The following GGT1 variants were observed in gnomAD, a reference collection of about 807,000 sequenced individuals.
The protein encoded by GGT1 is gamma-glutamyltransferase 1.
In GGT1, 21 loss-of-function variants were observed where a neutral mutation model predicts 56.0. The ratio of observed to expected loss-of-function variants is 0.38; its 90% CI spans 0.27 to 0.54. The LOEUF is 0.54. Ranked by LOEUF, GGT1 falls within the 20% of genes least tolerant of loss-of-function variation. The pLI is 0.82. For missense variants in GGT1, 466 were observed against 787.0 expected, an observed-to-expected ratio of 0.59 and a Z score of 4.88; for synonymous variants, 238 against 342.6, an observed-to-expected ratio of 0.69 and a Z score of 3.37.
chr22:24,594,384 CGTGTGTATGTGTGTGTGT>C (rs1020846477), upstream of GGT1, among the ~76,000 whole-genome samples: 7 of 140,194 alleles, frequency 5.0e-5, no homozygotes, highest in African/African-American at 1.7e-4. Context: ...GCCAAGCACC[CGTGTGTATGTGTGTGTGT>C]GTGTGTGTGT....
chr22:24,613,734 A>G (rs1248250478), intron 5 of GGT1, among the ~76,000 whole-genome samples: 1 of 147,380 alleles, frequency 6.8e-6, no homozygotes, highest in Non-Finnish European at 1.5e-5. Flanking sequence ...TGGGCAACTG[A>G]GTGAAACTCC....
the GGT1 span, among the ~76,000 whole-genome samples, chr22:24,584,856 C>T: frequency 6.6e-6 from 1 of 152,004 alleles, no homozygotes; most frequent in Non-Finnish European, 1.5e-5. Context: ...TGTAACTCCC[C>T]ACACAGGGCT....
chr22:24,614,348 C>CAAAAAAAAA (rs534749815), intron 5 of GGT1, among the ~76,000 whole-genome samples: 5 of 10,748 alleles, frequency 4.7e-4, no homozygotes, highest in African/African-American at 1.2e-3. Context: ...GACTTTGTCT[C>CAAAAAAAAA]AAAAAAAAAA....
upstream of GGT1, among the ~76,000 whole-genome samples, chr22:24,601,572 C>A (rs1488009658): frequency 6.6e-6 from 1 of 152,244 alleles, no homozygotes; most frequent in Non-Finnish European, 1.5e-5. Flanking sequence ...TGGGGCAGAT[C>A]CCAGCCCGTT....
At chr22:24,618,004 T>A (rs1321511363) in intron 7 of GGT1, among the ~76,000 whole-genome samples, 2 of 151,800 alleles carry the variant, frequency 1.3e-5, no homozygotes, top group Non-Finnish European at 2.9e-5. Flanking sequence ...AGTGTGGGGG[T>A]CACCAGAGAA....
At chr22:24,614,435 G>C (rs1289812983) in intron 5 of GGT1, among the ~76,000 whole-genome samples, 2 of 149,322 alleles carry the variant, frequency 1.3e-5, no homozygotes, top group Non-Finnish European at 3.0e-5. Flanking sequence ...GGCCAACATG[G>C]TGAAACCCCG....
chr22:24,620,974 C>A lies in GGT1; in HGVS notation c.637C>A (p.Leu213Met). The part of the protein sequence containing the change: ...REGERLTLPQ[L>M]ADTYETLAIE... ...GGGGGAGAGACTGACCCTGCCGCAG[C>A]TGGCTGACACCTACGAGACGCTGGC... The change falls in exon 9 of 16, where the codon CTG becomes ATG. Residue 213 changes from leucine to methionine, a missense_variant. Leu to Met is a conservative substitution (Grantham distance 15). Transcript: ENST00000400382. This position sits in a 1 kb window ranked among gnomAD's most constrained non-coding sequence, Gnocchi z 5.6. The A allele has an allele frequency of 1.9e-6, 3 of 1,612,010 alleles. No homozygotes were observed. The highest frequency in any genetic ancestry group is 2.5e-6 in the Non-Finnish European group (3 of 1,179,846).
At chr22:24,602,460 G>C (rs1355635504), upstream of GGT1, among the ~76,000 whole-genome samples, 9 of 152,230 alleles carry the variant, frequency 5.9e-5, no homozygotes, top group Admixed American at 5.9e-4. Flanking sequence ...GCAGGCTGCA[G>C]ACCATGTGTG....
At chr22:24,605,254 T>C (rs868786732) in intron 1 of GGT1, among the ~76,000 whole-genome samples, 533 of 29,696 alleles carry the variant, frequency 0.018, 105 homozygotes, top group East Asian at 0.072. Context: ...TTATATAATA[T>C]GTATTATATA....
chr22:24,612,778 T>C (rs945083964), intron 5 of GGT1, among the ~76,000 whole-genome samples: 2 of 151,996 alleles, frequency 1.3e-5, no homozygotes, highest in African/African-American at 4.8e-5. Flanking sequence ...CCGCCTGCCT[T>C]GGCCTCCCAA....
In GGT1 at chr22:24,620,495, G is replaced by A. The variant is rs28621555; in HGVS notation, c.550G>A (p.Val184Ile). ...GGCAGCCCTGGAAAACAAGCGGACC[G>A]TCATCGAGCAGCAGCCTGTCTTGTG... ...LAAALENKRT[V>I]IEQQPVLCEV... The change falls in exon 8 of 16, where the codon GTC (valine) becomes ATC (isoleucine). Residue 184 changes from valine (V) to isoleucine (I), a missense_variant. Transcript: ENST00000400382. The surrounding 1 kb of genome is among the most constrained non-coding windows in gnomAD (Gnocchi z 5.6). 98 of 1,611,782 alleles carry A rather than the reference G, an allele frequency of 6.1e-5. No individual in the cohort carries two copies. Among genetic ancestry groups the A allele is most frequent in the Admixed American group, 3.3e-4 (20 of 60,002 alleles).
intron 2 of GGT1, chr22:24,609,520 T>C (rs1389970103): frequency 1.3e-5 from 2 of 157,722 alleles, no homozygotes; most frequent in Non-Finnish European, 2.8e-5. Flanking sequence ...ATGTTCCCTG[T>C]GTGTGGGGAG....
chr22:24,594,384 C>CGTGTGT (rs762877347), upstream of GGT1, among the ~76,000 whole-genome samples: 8,053 of 140,082 alleles, frequency 0.057, 425 homozygotes, highest in Admixed American at 0.15. Context: ...GCCAAGCACC[C>CGTGTGT]GTGTGTATGT....
In GGT1 at chr22:24,610,292, G is replaced by A. The variant is rs541914297; in HGVS notation, c.-247G>A. 0.012 allele frequency: 3,665 copies of A among 303,308 alleles called. 49 individuals carry two copies. Among genetic ancestry groups the A allele is most frequent in the Non-Finnish European group, 0.014 (2,157 of 151,120 alleles). The allele number at this position is 303,308 out of a possible 1,614,324, so 18.8% of individuals were successfully genotyped here. ...AGAAACCAGCTAGAGGCAGAGGGAG[G>A]TAACACGGAGTCCCCCAGAAAGGTC... On this transcript the variant is annotated 5_prime_UTR_variant, in exon 4 of 16. Coordinates refer to ENST00000400382, the MANE Select transcript of GGT1 (RefSeq NM_001288833.2).
intron 5 of GGT1, among the ~76,000 whole-genome samples, 180 bp from the exon 6 acceptor site, chr22:24,614,596 T>C (rs972957055): frequency 8.7e-6 from 1 of 115,154 alleles, no homozygotes; most frequent in Admixed American, 1.0e-4. Flanking sequence ...AGCCTGGCAA[T>C]AGAGCAAGAC....
chr22:24,587,306 CAGTT>C, the GGT1 span, among the ~76,000 whole-genome samples: 2 of 152,156 alleles, frequency 1.3e-5, no homozygotes, highest in Non-Finnish European at 2.9e-5. Flanking sequence ...CGTGTTTTCT[CAGTT>C]AGAAGGGAAG....
intron 7 of GGT1, among the ~76,000 whole-genome samples, chr22:24,616,578 A>T (rs2047082640): frequency 7.1e-6 from 1 of 140,342 alleles, no homozygotes. Context: ...TGTCACCCAG[A>T]CTGTCGCCCA....
the GGT1 span, chr22:24,586,027 C>G: frequency 1.2e-6 from 2 of 1,611,014 alleles, no homozygotes; most frequent in African/African-American, 1.3e-5. Flanking sequence ...GTGAGGTGCG[C>G]TGGCTCAGCC....
rs751766707 is a variant in GGT1 at position 24,620,516 on chromosome 22, T to C, written c.571T>C (p.Leu191=). The change falls in exon 8 of 16, where the codon TTG becomes CTG. Residue 191 remains leucine, a synonymous_variant. Transcript: ENST00000400382. This position sits in a 1 kb window ranked among gnomAD's most constrained non-coding sequence, Gnocchi z 5.6. ...KRTVIEQQPV[L]CEVFCRDRKV... is the part of the protein sequence containing the mutation. ...GACCGTCATCGAGCAGCAGCCTGTCTTGTGGTATGTCTGTGGGTGCGGCCC... is the reference window on the plus strand; with the variant it reads ...GACCGTCATCGAGCAGCAGCCTGTCCTGTGGTATGTCTGTGGGTGCGGCCC... 9 of 1,611,876 alleles carry C rather than the reference T, an allele frequency of 5.6e-6. No homozygotes were observed. The South Asian group carries it at 8.8e-5, about 16-fold the overall frequency.
Sources: gnomAD v4.1 joint callset for allele counts (sites outside exome capture counted in the v4.1 genomes callset) on GRCh38, gnomAD v4.1.1 for gene constraint, Gnocchi (gnomAD v3.1) non-coding constraint, MANE v1.5 for transcripts, NCBI Gene and HGNC (gene_info 2026-07-23, HGNC 2026-07-21) for gene names.